Variants in TANGO2 observed in about 807,000 individuals in gnomAD.
The protein encoded by TANGO2 is transport and Golgi organization protein 2 homolog.
In TANGO2, 26 loss-of-function variants were observed where a neutral mutation model predicts 39.1. The observed-to-expected ratio is 0.67, with a 90% CI of 0.49 to 0.92. TANGO2 has a LOEUF of 0.92. Among genes scored for constraint, TANGO2 ranks in the 40% least tolerant of loss-of-function variants. The pLI is 0.00. For synonymous variants in TANGO2, 131 were observed against 144.5 expected (o/e 0.91, Z 0.67); for missense variants, 326 against 360.1 (o/e 0.91, Z 0.77).
chr22:20,033,783 C>T lies in TANGO2; in HGVS notation c.-39-2977C>T, dbSNP rs552595527. ...CCTTGGGTGCACTCCCAAAGCCCAG[C>T]GTGTTCCCCATCTTCCTGCACTGCA... On this transcript the variant is annotated intron_variant, in intron 1 of 8. Transcript: ENST00000327374. Among the ~76,000 whole-genome samples, 11 of 152,390 alleles carry T rather than the reference C, an allele frequency of 7.2e-5. No homozygotes were observed. The East Asian group carries it at 1.2e-3, about 16-fold the overall frequency.
chr22:20,055,905 A>G (rs1332100614), intron 5 of TANGO2, 38 bp from the exon 6 acceptor site: 6 of 1,576,428 alleles, frequency 3.8e-6, no homozygotes, highest in African/African-American at 2.7e-5. Flanking sequence ...AGGACGCCCT[A>G]TGGCTGTAGT....
chr22:20,026,171 G>A lies in TANGO2; in HGVS notation c.-40+4925G>A, dbSNP rs546310684. Reference sequence around the variant, plus strand: ...TCCCAGCATTTTGGGAGGCTGAGGCGGGGGGATCATGAGGTCAGGAGTTCA... The same window carrying A: ...TCCCAGCATTTTGGGAGGCTGAGGCAGGGGGATCATGAGGTCAGGAGTTCA... On this transcript the variant is annotated intron_variant, in intron 1 of 8. Coordinates refer to ENST00000327374, the MANE Select transcript of TANGO2 (RefSeq NM_152906.7). Among the ~76,000 whole-genome samples the A allele has an allele frequency of 3.7e-4, 56 of 152,204 alleles. 1 individual carries two copies. Among genetic ancestry groups the A allele is most frequent in the Non-Finnish European group, 7.1e-4 (48 of 68,040 alleles).
rs2040397638 is a variant in TANGO2, at chr22:20,024,707, C to T, written c.-40+3461C>T. Reference sequence around the variant, plus strand: ...CCCAAGTGTCTAGGTCCCCTTGACCCTGTGGTACTAATAGCTTGCCATTCC... The same window carrying T: ...CCCAAGTGTCTAGGTCCCCTTGACCTTGTGGTACTAATAGCTTGCCATTCC... On this transcript the variant is annotated intron_variant, in intron 1 of 8. Transcript: ENST00000327374. 2.0e-5 allele frequency among the ~76,000 whole-genome samples: 3 copies of T among 152,244 alleles called. No individual in the cohort carries two copies. The South Asian group carries it at 6.2e-4, about 31-fold the overall frequency.
intron 2 of TANGO2, among the ~76,000 whole-genome samples, chr22:20,039,448 G>T (rs1213339846): frequency 6.6e-6 from 1 of 151,362 alleles, no homozygotes; most frequent in African/African-American, 2.4e-5. Flanking sequence ...GGCCAACATG[G>T]TGAAACCCCA....
intron 3 of TANGO2, among the ~76,000 whole-genome samples, chr22:20,050,848 T>G (rs1014419489): frequency 2.7e-5 from 4 of 150,870 alleles, no homozygotes; most frequent in Non-Finnish European, 5.9e-5. Context: ...TTGGGTTTTT[T>G]TTTTTTTTTT....
upstream of TANGO2, among the ~76,000 whole-genome samples, chr22:20,019,977 C>T (rs567963945): frequency 1.3e-5 from 2 of 152,184 alleles, no homozygotes; most frequent in Non-Finnish European, 2.9e-5. Context: ...ACAACGGGCC[C>T]GCATGTAGGT....
At chr22:20,037,196 C>G (rs899916441) in intron 2 of TANGO2, 1 of 1,335,842 alleles carries the variant, frequency 7.5e-7, no homozygotes, top group African/African-American at 1.5e-5. Flanking sequence ...TGAGTGAGAG[C>G]CAGCTTGGGC....
At chr22:20,024,636 C>T (rs1253832059) in intron 1 of TANGO2, among the ~76,000 whole-genome samples, 3 of 152,338 alleles carry the variant, frequency 2.0e-5, no homozygotes, top group Middle Eastern at 3.4e-3. Flanking sequence ...TGTTCAGGGA[C>T]TCACCATGTG....
chr22:20,029,552 C>T (rs1050768755), intron 1 of TANGO2, among the ~76,000 whole-genome samples: 1 of 152,162 alleles, frequency 6.6e-6, no homozygotes, highest in African/African-American at 2.4e-5. Flanking sequence ...GAAGAGGGCT[C>T]TCTCTTTCCA....
At chr22:20,037,201 T>C in intron 2 of TANGO2, 2 of 1,309,800 alleles carry the variant, frequency 1.5e-6, no homozygotes, top group Admixed American at 2.5e-5. Context: ...GAGAGCCAGC[T>C]TGGGCTGGCG....
chr22:20,022,744 C>T (rs1310569802), intron 1 of TANGO2, among the ~76,000 whole-genome samples: 1 of 152,270 alleles, frequency 6.6e-6, no homozygotes, highest in African/African-American at 2.4e-5. Flanking sequence ...CCCAAGGGTG[C>T]TGCTTCTGAA....
intron 1 of TANGO2, among the ~76,000 whole-genome samples, chr22:20,021,945 C>T (rs1026889826): frequency 1.3e-5 from 2 of 152,274 alleles, no homozygotes; most frequent in African/African-American, 4.8e-5. Flanking sequence ...CCCCCTTCCT[C>T]TTCAGGAATG....
chr22:20,021,706 G>C (rs929275342), intron 1 of TANGO2, among the ~76,000 whole-genome samples: 1 of 152,254 alleles, frequency 6.6e-6, no homozygotes, highest in East Asian at 1.9e-4. Context: ...CAGAGCGTCA[G>C]AGGTAGGGGC....
At chr22:20,043,252 C>G in intron 2 of TANGO2, 103 bp from the exon 3 acceptor site, 1 of 806,044 alleles carries the variant, frequency 1.2e-6, no homozygotes. Flanking sequence ...CTCTCTGAGA[C>G]TGGCCCTTGT....
At chr22:20,048,454 T>C (rs183985003) in intron 3 of TANGO2, 1 of 152,300 alleles carries the variant, frequency 6.6e-6, no homozygotes, top group Admixed American at 6.5e-5. Context: ...ACACCATTGT[T>C]TCTTGAGTTT....
intron 8 of TANGO2, 68 bp from the exon 9 acceptor site, chr22:20,064,474 T>C (rs750412731): frequency 6.9e-6 from 11 of 1,599,524 alleles, no homozygotes; most frequent in South Asian, 4.5e-5. Flanking sequence ...CTTGCCCTAT[T>C]TGTGGCTGTG....
intron 1 of TANGO2, among the ~76,000 whole-genome samples, chr22:20,030,168 T>C (rs1279538442): frequency 6.7e-6 from 1 of 148,750 alleles, no homozygotes; most frequent in Non-Finnish European, 1.5e-5. Flanking sequence ...TTTTTTTTTT[T>C]TAATTTTTAT....
chr22:20,028,908 C>G (rs560805752), intron 1 of TANGO2, among the ~76,000 whole-genome samples: 1 of 152,312 alleles, frequency 6.6e-6, no homozygotes, highest in South Asian at 2.1e-4. Flanking sequence ...ACCTACCTGC[C>G]TGTGGTGGGC....
At chr22:20,049,110 T>A (rs749322054) in intron 3 of TANGO2, among the ~76,000 whole-genome samples, 3 of 152,196 alleles carry the variant, frequency 2.0e-5, no homozygotes, top group Non-Finnish European at 4.4e-5. Flanking sequence ...GGTCTATGAT[T>A]TATCTCAAGG....
Sources: allele counts gnomAD v4.1 joint callset (sites outside exome capture counted in the v4.1 genomes callset), GRCh38; gene constraint gnomAD v4.1.1; transcripts MANE v1.5; gene names NCBI Gene and HGNC (gene_info 2026-07-23, HGNC 2026-07-21).